MPDZ: variants seen among roughly 807,000 people sequenced by gnomAD.
MPDZ encodes the protein multiple PDZ domain protein.
A neutral mutation model predicts 239.1 loss-of-function variants in MPDZ; 234 were observed. The observed-to-expected ratio is 0.98, with a 90% CI of 0.88 to 1.09. MPDZ has a LOEUF of 1.09. MPDZ is among the 50% of genes least tolerant of loss of function. MPDZ has a pLI of 0.00. For synonymous variants in MPDZ, 1,048 were observed against 881.3 expected, an observed-to-expected ratio of 1.19 and a Z score of -3.35; for missense variants, 3,175 against 2,510.0, an observed-to-expected ratio of 1.26 and a Z score of -5.66.
At chr9:13,147,503 G>C (rs746784268) in intron 26 of MPDZ, 45 bp downstream of exon 26, 2 of 1,438,834 alleles carry the variant, frequency 1.4e-6, no homozygotes, top group Admixed American at 1.7e-5. Flanking sequence ...ATTCCAAGTT[G>C]AACACTGTTT....
chr9:13,216,335 AAGC>A (rs552259392), intron 10 of MPDZ, among the ~76,000 whole-genome samples: 81 of 151,114 alleles, frequency 5.4e-4, no homozygotes, highest in African/African-American at 1.7e-3. Flanking sequence ...TCAGGGCTGA[AAGC>A]AGCCGCGGCC....
chr9:13,172,082 T>G (rs1283131001), intron 21 of MPDZ, among the ~76,000 whole-genome samples: 6 of 152,226 alleles, frequency 3.9e-5, no homozygotes. Context: ...TACATTTAGT[T>G]ATTCGAAGTG....
In MPDZ at chr9:13,107,116, A is replaced by G. The variant is rs573472055; in HGVS notation, c.6067-5T>C. On this transcript the variant is annotated splice_region_variant and splice_polypyrimidine_tract_variant and intron_variant, in intron 46 of 46. Coordinates refer to ENST00000319217, the MANE Select transcript of MPDZ (RefSeq NM_001378778.1). The stretch of plus-strand genomic sequence containing the variant: ...TCCGTCTTCAGAGGCTGCTCCCTGC[A>G]AATTATAAAGTAGACTTGTTTATTT... 55 of 1,561,424 alleles carry G rather than the reference A, an allele frequency of 3.5e-5. No individual in the cohort carries two copies. The highest frequency in any genetic ancestry group is 4.7e-5 in the Non-Finnish European group (54 of 1,142,886).
At chr9:13,195,487 ATTTT>A (rs958516609) in intron 13 of MPDZ, among the ~76,000 whole-genome samples, 12 of 152,082 alleles carry the variant, frequency 7.9e-5, no homozygotes, top group African/African-American at 2.9e-4. Context: ...ATACTATTTT[ATTTT>A]TTCTTTTGAA....
At chr9:13,186,637 T>C (rs983731509) in intron 17 of MPDZ, among the ~76,000 whole-genome samples, 2 of 151,112 alleles carry the variant, frequency 1.3e-5, no homozygotes, top group African/African-American at 2.5e-5. Flanking sequence ...TGAGAATCCC[T>C]TTCTACTAAT....
At chr9:13,177,440 G>C (rs1369014999) in intron 19 of MPDZ, among the ~76,000 whole-genome samples, 2 of 151,986 alleles carry the variant, frequency 1.3e-5, no homozygotes, top group African/African-American at 4.8e-5. Flanking sequence ...TAATGCATTT[G>C]CATAATATAT....
At chr9:13,204,523 T>C (rs1956775496) in intron 12 of MPDZ, among the ~76,000 whole-genome samples, 1 of 152,176 alleles carries the variant, frequency 6.6e-6, no homozygotes, top group South Asian at 2.1e-4. Flanking sequence ...ATAATTTATC[T>C]GCAATTACCT....
intron 24 of MPDZ, among the ~76,000 whole-genome samples, chr9:13,152,304 G>C (rs1949280480): frequency 6.6e-6 from 1 of 152,032 alleles, no homozygotes; most frequent in African/African-American, 2.4e-5. Context: ...ATATGGTTTG[G>C]CTGTGTCCTC....
At chr9:13,233,337 G>C (rs934720179) in intron 3 of MPDZ, among the ~76,000 whole-genome samples, 7 of 151,994 alleles carry the variant, frequency 4.6e-5, no homozygotes, top group African/African-American at 1.7e-4. Flanking sequence ...AACAGAAAAT[G>C]AAAAAGAACT....
chr9:13,244,289 G>A (rs1043730933), intron 3 of MPDZ, among the ~76,000 whole-genome samples: 1 of 152,170 alleles, frequency 6.6e-6, no homozygotes, highest in Non-Finnish European at 1.5e-5. Flanking sequence ...CTGCTAACGT[G>A]TTTATTTCCC....
intron 13 of MPDZ, among the ~76,000 whole-genome samples, chr9:13,194,325 G>C (rs1305750834): frequency 6.6e-6 from 1 of 151,702 alleles, no homozygotes; most frequent in Non-Finnish European, 1.5e-5. Flanking sequence ...TCAGTCTTTG[G>C]ATAAAGAAAA....
intron 42 of MPDZ, 46 bp from the exon 43 acceptor site, chr9:13,112,192 A>T: frequency 6.5e-7 from 1 of 1,549,898 alleles, no homozygotes; most frequent in South Asian, 1.2e-5. Context: ...GATATTTTTC[A>T]TTGACCTTTT....
chr9:13,119,723 G>T lies in MPDZ; in HGVS notation c.5232-74C>A, dbSNP rs114007657. 783 of 1,571,962 alleles carry T rather than the reference G, an allele frequency of 5.0e-4. 5 individuals carry two copies. The African/African-American group carries it at 9.4e-3, about 19-fold the overall frequency. ...CAATGCTTATTTAATAAAAAGTTAC[G>T]TTTTTACCCAAAATTTTTACTTGTT... On this transcript the variant is annotated intron_variant, in intron 38 of 46. Coordinates refer to ENST00000319217, the MANE Select transcript of MPDZ (RefSeq NM_001378778.1).
At chr9:13,205,207 C>T in intron 11 of MPDZ, 100 bp from the exon 12 acceptor site, 1 of 589,160 alleles carries the variant, frequency 1.7e-6, no homozygotes, top group Non-Finnish European at 2.7e-6. Context: ...ACATGAGAAT[C>T]TGTTTTTCAG....
intron 1 of MPDZ, among the ~76,000 whole-genome samples, chr9:13,266,011 T>C (rs1481071305): frequency 6.6e-6 from 1 of 152,224 alleles, no homozygotes; most frequent in Non-Finnish European, 1.5e-5. Context: ...CCACAATTTC[T>C]CTATTACCAT....
Position 13,199,481 on chromosome 9 carries a change from TG to T in MPDZ, c.1547-3252del, listed in dbSNP as rs1464444744. 7.9e-5 allele frequency among the ~76,000 whole-genome samples: 12 copies of T among 152,170 alleles called. No homozygotes were observed. In the East Asian group the frequency reaches 2.3e-3, roughly 30 times the overall value. ...TTGACTTATCTCTTTCCAATCTGGATGCCCGTTATTTCCTTCTCTTGCTTAA... is the reference window on the plus strand; with the variant it reads ...TTGACTTATCTCTTTCCAATCTGGATCCCGTTATTTCCTTCTCTTGCTTAA... On this transcript the variant is annotated intron_variant, in intron 12 of 46. Coordinates refer to ENST00000319217, the MANE Select transcript of MPDZ (RefSeq NM_001378778.1).
chr9:13,219,844 T>C (rs1186577471), intron 7 of MPDZ, 76 bp from the exon 8 acceptor site: 4 of 1,413,454 alleles, frequency 2.8e-6, no homozygotes, highest in Non-Finnish European at 2.9e-6. Context: ...GAGAAGGGAT[T>C]AATTTTAGAA....
chr9:13,178,963 C>A (rs1454341791), intron 19 of MPDZ, among the ~76,000 whole-genome samples: 1 of 151,986 alleles, frequency 6.6e-6, no homozygotes, highest in African/African-American at 2.4e-5. Flanking sequence ...AGATTTTAAC[C>A]ATCTTGATTT....
At chr9:13,220,076 A>C (rs1303122701) in intron 7 of MPDZ, among the ~76,000 whole-genome samples, 2 of 151,952 alleles carry the variant, frequency 1.3e-5, no homozygotes, top group African/African-American at 2.4e-5. Context: ...CCTTTTTGTG[A>C]ATTTTTTGGA....
Sources: allele counts gnomAD v4.1 joint callset (sites outside exome capture counted in the v4.1 genomes callset), GRCh38; gene constraint gnomAD v4.1.1; transcripts MANE v1.5; gene names NCBI Gene and HGNC (gene_info 2026-07-23, HGNC 2026-07-21).